The following UBASH3B variants were observed in gnomAD, a reference collection of about 807,000 sequenced individuals.
UBASH3B encodes the protein ubiquitin associated and SH3 domain containing B.
A neutral mutation model predicts 83.4 loss-of-function variants in UBASH3B; 37 were observed. The observed-to-expected ratio is 0.44, with a 90% CI of 0.34 to 0.58. The LOEUF (loss-of-function observed/expected upper bound fraction) is 0.58. UBASH3B is among the 20% of genes least tolerant of loss of function. UBASH3B has a pLI of 0.01. For missense variants in UBASH3B, 657 were observed against 827.2 expected (o/e 0.79, Z 2.52); for synonymous variants, 304 against 318.3 (o/e 0.96, Z 0.48).
intron 1 of UBASH3B, among the ~76,000 whole-genome samples, chr11:122,765,775 G>T (rs943176936): frequency 6.6e-6 from 1 of 152,180 alleles, no homozygotes; most frequent in East Asian, 1.9e-4. Flanking sequence ...GGGAGCTCAC[G>T]TATGTTTTAA....
intron 1 of UBASH3B, among the ~76,000 whole-genome samples, chr11:122,689,602 G>C (rs1863857751): frequency 6.6e-6 from 1 of 152,060 alleles, no homozygotes; most frequent in Non-Finnish European, 1.5e-5. Flanking sequence ...ATGGCAAGCA[G>C]CGGACACCAG....
chr11:122,798,320 T>C (rs753864256), intron 9 of UBASH3B, among the ~76,000 whole-genome samples: 11 of 152,112 alleles, frequency 7.2e-5, no homozygotes, highest in Non-Finnish European at 1.6e-4. Flanking sequence ...ATAAAATAAA[T>C]CCTCTTTCAC....
intron 1 of UBASH3B, among the ~76,000 whole-genome samples, chr11:122,679,228 G>A (rs912043722): frequency 6.6e-6 from 1 of 152,248 alleles, no homozygotes; most frequent in African/African-American, 2.4e-5. Flanking sequence ...GAAGAGGTCA[G>A]TGCGTGCATA....
chr11:122,733,692 A>C (rs1255991328), intron 1 of UBASH3B, among the ~76,000 whole-genome samples: 1 of 152,250 alleles, frequency 6.6e-6, no homozygotes, highest in Admixed American at 6.5e-5. Context: ...ATATGTCAAC[A>C]GATTATTATT....
intron 13 of UBASH3B, 31 bp from the exon 14 acceptor site, chr11:122,809,718 A>C (rs1861405132): frequency 6.2e-7 from 1 of 1,613,278 alleles, no homozygotes; most frequent in African/African-American, 1.3e-5. Context: ...CTATCTCCTA[A>C]TATCCCCTTT....
At chr11:122,679,891 C>T (rs1230445989) in intron 1 of UBASH3B, among the ~76,000 whole-genome samples, 1 of 152,088 alleles carries the variant, frequency 6.6e-6, no homozygotes, top group African/African-American at 2.4e-5. Flanking sequence ...AGTGCAATGA[C>T]ACGATCTTGG....
At chr11:122,805,904 G>T (rs1861332784) in intron 11 of UBASH3B, among the ~76,000 whole-genome samples, 1 of 152,218 alleles carries the variant, frequency 6.6e-6, no homozygotes, top group African/African-American at 2.4e-5. Flanking sequence ...ACTTCTCCTT[G>T]TGCCAAGTGT....
chr11:122,728,507 C>T (rs1436061540), intron 1 of UBASH3B, among the ~76,000 whole-genome samples: 3 of 152,166 alleles, frequency 2.0e-5, no homozygotes, highest in African/African-American at 7.2e-5. Context: ...GCTGTTAAGA[C>T]CCATAGCTAC....
At chr11:122,778,904 C>G (rs1860792730) in intron 3 of UBASH3B, among the ~76,000 whole-genome samples, 1 of 152,146 alleles carries the variant, frequency 6.6e-6, no homozygotes, top group Non-Finnish European at 1.5e-5. Flanking sequence ...TGCGCCCAGC[C>G]TGATTTTTTT....
intron 1 of UBASH3B, among the ~76,000 whole-genome samples, chr11:122,679,974 G>A (rs941965632): frequency 5.3e-5 from 8 of 152,060 alleles, no homozygotes; most frequent in African/African-American, 1.9e-4. Flanking sequence ...GGGATTACAG[G>A]CACCCACCAC....
chr11:122,794,048 G>C (rs1861107312), intron 6 of UBASH3B, among the ~76,000 whole-genome samples: 1 of 152,128 alleles, frequency 6.6e-6, no homozygotes, highest in Non-Finnish European at 1.5e-5. Flanking sequence ...AAAAATAGCT[G>C]CAAACAGATC....
chr11:122,761,816 A>G (rs1861375753), intron 1 of UBASH3B, among the ~76,000 whole-genome samples: 1 of 96,400 alleles, frequency 1.0e-5, no homozygotes, highest in Admixed American at 1.6e-4. Flanking sequence ...TTTTTGAGAC[A>G]GGGTCTCACT....
intron 1 of UBASH3B, among the ~76,000 whole-genome samples, chr11:122,706,252 A>T (rs1864118771): frequency 6.6e-6 from 1 of 151,652 alleles, no homozygotes; most frequent in Admixed American, 6.6e-5. Context: ...AGTAGCTGGG[A>T]TTACAGGCAT....
intron 5 of UBASH3B, 51 bp downstream of exon 5, chr11:122,783,273 G>C (rs1455581233): frequency 1.3e-6 from 2 of 1,589,074 alleles, no homozygotes; most frequent in Non-Finnish European, 1.7e-6. Context: ...GATGCAATCA[G>C]AATCAGCAGC....
rs548804264 is a variant in UBASH3B, at chr11:122,753,333, C to T, written c.162-22886C>T. Reference sequence around the variant, plus strand: ...GGGTGTGGTTTCGTGTGCCTGTACTCCCAGCTACTCAGCAGGCTGAGGCAG... The same window carrying T: ...GGGTGTGGTTTCGTGTGCCTGTACTTCCAGCTACTCAGCAGGCTGAGGCAG... On this transcript the variant is annotated intron_variant, in intron 1 of 13. Transcript: ENST00000284273. Among the ~76,000 whole-genome samples the T allele has an allele frequency of 6.6e-5, 10 of 151,588 alleles. No individual in the cohort carries two copies. The South Asian group carries it at 1.9e-3, about 29-fold the overall frequency.
chr11:122,737,627 T>G (rs1432700077), intron 1 of UBASH3B, among the ~76,000 whole-genome samples: 1 of 151,786 alleles, frequency 6.6e-6, no homozygotes, highest in Admixed American at 6.6e-5. Context: ...TTTTTCATTC[T>G]GCATGAATGA....
At chr11:122,732,685 T>C (rs1860862639) in intron 1 of UBASH3B, among the ~76,000 whole-genome samples, 1 of 152,164 alleles carries the variant, frequency 6.6e-6, no homozygotes. Flanking sequence ...CCACCCATCT[T>C]TCCACCCCCA....
intron 2 of UBASH3B, 152 bp downstream of exon 2, chr11:122,776,424 C>T (rs1860736182): frequency 9.2e-6 from 6 of 653,330 alleles, no homozygotes; most frequent in Non-Finnish European, 1.2e-5. Flanking sequence ...AAGTCAATTG[C>T]CTCCTCTGCC....
intron 3 of UBASH3B, among the ~76,000 whole-genome samples, chr11:122,778,265 C>T (rs1860777184): frequency 6.6e-6 from 1 of 152,022 alleles, no homozygotes; most frequent in Non-Finnish European, 1.5e-5. Flanking sequence ...TCTCTTTTAC[C>T]ATTCACTCTG....
Sources: allele counts gnomAD v4.1 joint callset (sites outside exome capture counted in the v4.1 genomes callset), GRCh38; gene constraint gnomAD v4.1.1; transcripts MANE v1.5; gene names NCBI Gene and HGNC (gene_info 2026-07-23, HGNC 2026-07-21).